Variants in COQ5 observed in about 807,000 individuals in gnomAD.
COQ5 encodes the protein coenzyme Q5, methyltransferase, also known as 2-methoxy-6-polyprenyl-1,4-benzoquinol methylase, mitochondrial.
COQ5 carries 27 observed loss-of-function variants against 40.5 expected under a neutral mutation model. The ratio of observed to expected loss-of-function variants is 0.67; its 90% CI spans 0.49 to 0.92. The LOEUF is 0.92. COQ5 is among the 40% of genes least tolerant of loss of function. The pLI, the probability that COQ5 is intolerant of heterozygous loss-of-function variation, is 0.00. For missense variants in COQ5, 409 were observed against 406.4 expected, an observed-to-expected ratio of 1.01 and a Z score of -0.06; for synonymous variants, 141 against 150.0, an observed-to-expected ratio of 0.94 and a Z score of 0.44.
Position 120,503,365 on chromosome 12 carries a change from G to A in COQ5, c.*419C>T. 2.8e-6 allele frequency: 1 copy of A among 362,494 alleles called. No homozygotes were observed. The highest frequency in any genetic ancestry group is 5.4e-6 in the Non-Finnish European group (1 of 185,212). 22.5% of individuals were successfully genotyped at this position (362,494 alleles called of 1,614,324 possible). On this transcript the variant is annotated 3_prime_UTR_variant, in exon 7 of 7. Coordinates refer to ENST00000288532, the MANE Select transcript of COQ5 (RefSeq NM_032314.4). The stretch of plus-strand genomic sequence containing the variant: ...TTGGGCCTAGACTTCGTCCTAGGCT[G>A]AAAGGTTGATTCAGGTACAATTAAA...
intron 4 of COQ5, among the ~76,000 whole-genome samples, chr12:120,505,208 C>G (rs1226283098): frequency 6.6e-6 from 1 of 152,162 alleles, no homozygotes. Flanking sequence ...CTGGGGTAAT[C>G]TAAACTGACT....
rs760106234 is a variant in COQ5, at chr12:120,529,130, G to A, written c.12C>T (p.Pro4=). ...AATAGCTCCATAGAGCACAGCTCCC[G>A]GGGGCCGCCATCTTGGTAGTCGAGT... MAA[P]GSCALWSYCG... Residue 4 remains proline, a synonymous_variant, in exon 1 of 7, where the codon CCC becomes CCT. Transcript: ENST00000288532. 4 of 1,611,696 alleles carry A rather than the reference G, an allele frequency of 2.5e-6. No homozygotes were observed. Among genetic ancestry groups the A allele is most frequent in the Non-Finnish European group, 3.4e-6 (4 of 1,178,328 alleles).
At chr12:120,526,123 A>G (rs117803005) in intron 1 of COQ5, among the ~76,000 whole-genome samples, 2,453 of 152,314 alleles carry the variant, frequency 0.016, 29 homozygotes, top group Middle Eastern at 0.048. Context: ...TATGTAAATA[A>G]CAGATACACA....
At chr12:120,506,369 ATT>A (rs762809704) in intron 4 of COQ5, among the ~76,000 whole-genome samples, 9 of 142,380 alleles carry the variant, frequency 6.3e-5, no homozygotes, top group Non-Finnish European at 7.8e-5. Context: ...CCTGTTTAAA[ATT>A]TTTTTTTTTT....
intron 1 of COQ5, among the ~76,000 whole-genome samples, chr12:120,524,642 C>A (rs1016591380): frequency 6.6e-6 from 1 of 152,120 alleles, no homozygotes; most frequent in African/African-American, 2.4e-5. Flanking sequence ...TATCTCCCTG[C>A]CAGAAGGCTG....
At chr12:120,512,618 A>T (rs1295600467) in intron 3 of COQ5, among the ~76,000 whole-genome samples, 1 of 152,122 alleles carries the variant, frequency 6.6e-6, no homozygotes, top group Non-Finnish European at 1.5e-5. Flanking sequence ...ATACATAAAT[A>T]AACAAACAAA....
chr12:120,518,600 C>CT (rs1239031800), intron 2 of COQ5, among the ~76,000 whole-genome samples: 2 of 150,148 alleles, frequency 1.3e-5, no homozygotes, highest in East Asian at 3.9e-4. Flanking sequence ...GAGGCTCGCT[C>CT]TATTCCCAGG....
chr12:120,511,082 C>A (rs1593016410), intron 3 of COQ5, among the ~76,000 whole-genome samples: 1 of 151,698 alleles, frequency 6.6e-6, no homozygotes, highest in Non-Finnish European at 1.5e-5. Context: ...ATGGTGAAAC[C>A]CCGTCTCTAC....
chr12:120,527,935 CGA>C (rs1284161564), intron 1 of COQ5, among the ~76,000 whole-genome samples: 3 of 131,734 alleles, frequency 2.3e-5, no homozygotes, highest in African/African-American at 5.6e-5. Flanking sequence ...TGCAGTGAGC[CGA>C]GATCGCGCCA....
chr12:120,521,662 G>A (rs1174970415), intron 2 of COQ5, among the ~76,000 whole-genome samples: 2 of 123,336 alleles, frequency 1.6e-5, no homozygotes, highest in Non-Finnish European at 1.6e-5. Flanking sequence ...CTGGGAGACA[G>A]AGCAAGACTC....
At chr12:120,513,033 G>A (rs1427266447) in intron 3 of COQ5, among the ~76,000 whole-genome samples, 2 of 150,634 alleles carry the variant, frequency 1.3e-5, no homozygotes, top group African/African-American at 4.9e-5. Context: ...CTCCTGACCT[G>A]AGGTGATCCA....
At chr12:120,521,795 G>C (rs1046276643) in intron 2 of COQ5, among the ~76,000 whole-genome samples, 1 of 151,746 alleles carries the variant, frequency 6.6e-6, no homozygotes, top group South Asian at 2.1e-4. Context: ...TCAGGAGTTC[G>C]AGACCAGCCT....
intron 3 of COQ5, 40 bp downstream of exon 3, chr12:120,516,527 T>C (rs1312135596): frequency 2.1e-6 from 3 of 1,461,934 alleles, no homozygotes; most frequent in Non-Finnish European, 1.9e-6. Flanking sequence ...TCTATAAAGA[T>C]ACAAATACTT....
At chr12:120,528,393 T>C (rs1436383206) in intron 1 of COQ5, among the ~76,000 whole-genome samples, 2 of 152,168 alleles carry the variant, frequency 1.3e-5, no homozygotes, top group Non-Finnish European at 2.9e-5. Flanking sequence ...ACGTGTAATA[T>C]GGTAATAACA....
At chr12:120,511,874 G>A (rs1334401422) in intron 3 of COQ5, among the ~76,000 whole-genome samples, 1 of 152,164 alleles carries the variant, frequency 6.6e-6, no homozygotes, top group African/African-American at 2.4e-5. Context: ...TTGGTTATTG[G>A]TTATATGAAT....
chr12:120,510,164 T>C, intron 3 of COQ5, 41 bp from the exon 4 acceptor site: 1 of 1,458,786 alleles, frequency 6.9e-7, no homozygotes. Context: ...TGTGGGTAGC[T>C]GTTTTTCCTG....
At chr12:120,523,995 G>C (rs570618718) in intron 1 of COQ5, 7 of 334,412 alleles carry the variant, frequency 2.1e-5, no homozygotes, top group African/African-American at 1.6e-4. Flanking sequence ...GGGCGACAGA[G>C]AGAGACTCTG....
Position 120,503,344 on chromosome 12 carries a change from G to A in COQ5, c.*440C>T. ...CATGATCATTAATACTCTGACTTGG[G>A]CCTAGACTTCGTCCTAGGCTGAAAG... On this transcript the variant is annotated 3_prime_UTR_variant, in exon 7 of 7. Coordinates refer to ENST00000288532, the MANE Select transcript of COQ5 (RefSeq NM_032314.4). 1 of 355,986 alleles carries A rather than the reference G, an allele frequency of 2.8e-6. No individual in the cohort carries two copies. The highest frequency in any genetic ancestry group is 7.3e-5 in the East Asian group (1 of 13,610). 22.1% of individuals were successfully genotyped at this position (355,986 alleles called of 1,614,324 possible).
At chr12:120,519,156 T>C (rs1326065757) in intron 2 of COQ5, among the ~76,000 whole-genome samples, 1 of 152,218 alleles carries the variant, frequency 6.6e-6, no homozygotes, top group Non-Finnish European at 1.5e-5. Flanking sequence ...GCCATGTCCT[T>C]ATTGGGAAGA....
Sources: gnomAD v4.1 joint callset for allele counts (sites outside exome capture counted in the v4.1 genomes callset) on GRCh38, gnomAD v4.1.1 for gene constraint, MANE v1.5 for transcripts, NCBI Gene and HGNC (gene_info 2026-07-23, HGNC 2026-07-21) for gene names.